Variants in CCSER1 observed in about 807,000 individuals in gnomAD.
CCSER1 encodes the protein coiled-coil serine rich protein 1.
In CCSER1, 41 loss-of-function variants were observed where a neutral mutation model predicts 82.0. The ratio of observed to expected loss-of-function variants is 0.50; its 90% CI spans 0.39 to 0.65. CCSER1 has a LOEUF of 0.65. CCSER1 is among the 30% of genes least tolerant of loss of function. CCSER1 has a pLI of 0.00. For synonymous variants in CCSER1, 414 were observed against 383.9 expected (o/e 1.08, Z -0.92); for missense variants, 1,119 against 1,064.2 (o/e 1.05, Z -0.72).
intron 8 of CCSER1, among the ~76,000 whole-genome samples, chr4:90,844,641 T>C (rs1486625678): frequency 6.6e-6 from 1 of 152,192 alleles, no homozygotes; most frequent in Admixed American, 6.6e-5. Flanking sequence ...CTATTTAAAG[T>C]TGCAACCTGT....
At chr4:91,385,703 CG>C (rs1751242116) in intron 10 of CCSER1, among the ~76,000 whole-genome samples, 3 of 151,582 alleles carry the variant, frequency 2.0e-5, no homozygotes, top group South Asian at 2.1e-4. Flanking sequence ...TTTGTTGCCA[CG>C]GGGTAAGGGA....
At chr4:91,266,546 C>T (rs1396407541) in intron 10 of CCSER1, among the ~76,000 whole-genome samples, 2 of 151,956 alleles carry the variant, frequency 1.3e-5, no homozygotes, top group African/African-American at 4.8e-5. Context: ...CCACAGCGCC[C>T]GGCCTTAAGC....
chr4:90,543,415 C>T (rs940280882), intron 5 of CCSER1, among the ~76,000 whole-genome samples: 1 of 152,114 alleles, frequency 6.6e-6, no homozygotes. Flanking sequence ...ACTGTGCTAG[C>T]TTGTAGTCAT....
At chr4:91,051,246 AAAC>A (rs1180482039) in intron 9 of CCSER1, among the ~76,000 whole-genome samples, 1 of 152,218 alleles carries the variant, frequency 6.6e-6, no homozygotes, top group Non-Finnish European at 1.5e-5. Flanking sequence ...TTATATCAAA[AAAC>A]AAATCAAACG....
chr4:90,945,975 A>G (rs1222762672), intron 9 of CCSER1, among the ~76,000 whole-genome samples: 4 of 152,198 alleles, frequency 2.6e-5, no homozygotes, highest in South Asian at 2.1e-4. Context: ...ACTTGCTCAC[A>G]ATTACATGAC....
chr4:90,135,326 G>C (rs948178010), intron 1 of CCSER1, among the ~76,000 whole-genome samples: 14 of 151,718 alleles, frequency 9.2e-5, no homozygotes, highest in Non-Finnish European at 2.1e-4. Context: ...CCTAGCATTT[G>C]AGCAAGACCC....
chr4:90,720,289 G>GAA (rs199943099), intron 6 of CCSER1, among the ~76,000 whole-genome samples: 3 of 122,386 alleles, frequency 2.5e-5, no homozygotes, highest in African/African-American at 9.4e-5. Flanking sequence ...TTGTTTTTTA[G>GAA]AAAAAAAAAA....
At chr4:90,751,351 A>C (rs1748630727) in intron 7 of CCSER1, among the ~76,000 whole-genome samples, 1 of 152,150 alleles carries the variant, frequency 6.6e-6, no homozygotes, top group South Asian at 2.1e-4. Flanking sequence ...TATGTGGTAA[A>C]AACAGCGTAA....
At chr4:90,575,573 C>T (rs186011678) in intron 5 of CCSER1, among the ~76,000 whole-genome samples, 10 of 152,322 alleles carry the variant, frequency 6.6e-5, no homozygotes, top group African/African-American at 2.4e-4. Context: ...TGTGGAATTA[C>T]ATCACTGTAA....
At chr4:90,755,997 G>C (rs796478036) in intron 7 of CCSER1, among the ~76,000 whole-genome samples, 9 of 152,222 alleles carry the variant, frequency 5.9e-5, no homozygotes, top group East Asian at 1.9e-4. Flanking sequence ...AGGCCAAGAG[G>C]GGGTGGATCA....
intron 3 of CCSER1, among the ~76,000 whole-genome samples, chr4:90,319,567 C>G (rs546418466): frequency 6.6e-6 from 1 of 152,130 alleles, no homozygotes; most frequent in East Asian, 1.9e-4. Context: ...AAGGAGAATC[C>G]CTTGAATGTG....
chr4:90,480,975 G>T (rs1189158571), intron 5 of CCSER1, among the ~76,000 whole-genome samples: 3 of 152,142 alleles, frequency 2.0e-5, no homozygotes, highest in Non-Finnish European at 4.4e-5. Context: ...GGGCAGTATG[G>T]CCATTTTCAC....
chr4:90,291,509 T>C (rs1314956449), intron 1 of CCSER1, among the ~76,000 whole-genome samples: 1 of 152,032 alleles, frequency 6.6e-6, no homozygotes, highest in African/African-American at 2.4e-5. Context: ...TTACCTATTA[T>C]TCTGTCAAAT....
intron 10 of CCSER1, among the ~76,000 whole-genome samples, chr4:91,565,905 G>T (rs1239312461): frequency 3.3e-5 from 5 of 152,066 alleles, no homozygotes; most frequent in Non-Finnish European, 2.9e-5. Flanking sequence ...TGATTGCTCT[G>T]TGTAGGACTT....
chr4:91,405,940 G>C (rs545305229), intron 10 of CCSER1, among the ~76,000 whole-genome samples: 1 of 152,016 alleles, frequency 6.6e-6, no homozygotes, highest in East Asian at 1.9e-4. Context: ...GAAATCACCC[G>C]TCTTCTACAT....
intron 10 of CCSER1, among the ~76,000 whole-genome samples, chr4:91,543,369 G>T (rs919928193): frequency 7.9e-5 from 12 of 152,152 alleles, no homozygotes; most frequent in Admixed American, 3.3e-4. Context: ...TATTTTGCTT[G>T]TTAGTTGATG....
In CCSER1 at chr4:90,312,968, C is replaced by A; in HGVS notation, c.1430C>A (p.Pro477Gln). 1.2e-6 allele frequency: 2 copies of A among 1,600,152 alleles called. No homozygotes were observed. The highest frequency in any genetic ancestry group is 2.2e-5 in the East Asian group (1 of 44,492). ...TAGSSRMILKPKDGNIEEVNS... is the reference protein window; with the variant it reads ...TAGSSRMILKQKDGNIEEVNS... ...GGGAGTAGCAGAATGATTTTGAAAC[C>A]GAAAGATGGAAATATAGAAGAAGTT... The change falls in exon 3 of 11, where the codon CCG becomes CAG. Residue 477 changes from proline to glutamine, a missense_variant. By Grantham distance (76) the Pro-to-Gln change is moderately conservative. Coordinates refer to ENST00000509176, the MANE Select transcript of CCSER1 (RefSeq NM_001145065.2).
chr4:90,731,867 A>G (rs1744803424), intron 7 of CCSER1, among the ~76,000 whole-genome samples: 1 of 152,180 alleles, frequency 6.6e-6, no homozygotes, highest in African/African-American at 2.4e-5. Flanking sequence ...TAGGTCGACT[A>G]GACTCATCTG....
chr4:91,367,151 G>A lies in CCSER1; in HGVS notation c.2218-231421G>A, dbSNP rs866616089. ...TCTCCAAAAAAAAAAAAAAAAAAAA[G>A]AGAAAAAAATGCAAAGTTCGCTTGT... On this transcript the variant is annotated intron_variant, in intron 10 of 10. Coordinates refer to ENST00000509176, the MANE Select transcript of CCSER1 (RefSeq NM_001145065.2). 6.3e-3 allele frequency among the ~76,000 whole-genome samples: 718 copies of A among 114,520 alleles called. 9 individuals carry two copies. Among genetic ancestry groups the A allele is most frequent in the African/African-American group, 0.021 (638 of 30,918 alleles). 75.1% of individuals were successfully genotyped at this position (114,520 alleles called of 152,430 possible). A position where few individuals can be genotyped will look rare whatever the true frequency, so the allele number is the denominator to read the frequency against.
Sources: allele counts gnomAD v4.1 joint callset (sites outside exome capture counted in the v4.1 genomes callset), GRCh38; gene constraint gnomAD v4.1.1; transcripts MANE v1.5; gene names NCBI Gene and HGNC (gene_info 2026-07-23, HGNC 2026-07-21).